Variants in RNF138 observed in about 807,000 individuals in gnomAD.
RNF138 encodes the protein ring finger protein 138.
Under a neutral mutation model 31.0 loss-of-function variants are expected in RNF138, and 12 were observed. That is an observed-to-expected ratio of 0.39 (90% CI 0.25 to 0.63). The LOEUF is 0.63. RNF138 is among the 20% of genes least tolerant of loss of function. RNF138 has a pLI of 0.52. For synonymous variants in RNF138, 105 were observed against 99.5 expected, an observed-to-expected ratio of 1.06 and a Z score of -0.33; for missense variants, 192 against 300.1, an observed-to-expected ratio of 0.64 and a Z score of 2.66.
chr18:32,121,924 A>G (rs962304133), intron 4 of RNF138, among the ~76,000 whole-genome samples: 1 of 152,154 alleles, frequency 6.6e-6, no homozygotes, highest in Non-Finnish European at 1.5e-5. Context: ...GCTGGAGTGC[A>G]GTGGCATGAT....
intron 4 of RNF138, among the ~76,000 whole-genome samples, chr18:32,122,625 A>G (rs1055603960): frequency 6.6e-6 from 1 of 152,088 alleles, no homozygotes; most frequent in Admixed American, 6.5e-5. Flanking sequence ...GGAGTTCAAG[A>G]CCAGCCTGGC....
At chr18:32,128,371 C>G (rs2040416918) in intron 7 of RNF138, among the ~76,000 whole-genome samples, 1 of 152,184 alleles carries the variant, frequency 6.6e-6, no homozygotes, top group African/African-American at 2.4e-5. Context: ...AACCCTGTCT[C>G]TACTAAAGAT....
chr18:32,105,314 C>A (rs187229716), intron 2 of RNF138, among the ~76,000 whole-genome samples: 321 of 152,272 alleles, frequency 2.1e-3, no homozygotes, highest in African/African-American at 7.6e-3. Flanking sequence ...TGGTCTTGAA[C>A]TCCTGACCTC....
At chr18:32,113,906 G>T (rs1228076264) in intron 4 of RNF138, 46 bp downstream of exon 4, 1 of 999,190 alleles carries the variant, frequency 1.0e-6, no homozygotes, top group Non-Finnish European at 1.5e-6. Flanking sequence ...TAATTGAAAT[G>T]GAAATTGTTT....
intron 4 of RNF138, among the ~76,000 whole-genome samples, chr18:32,116,162 C>A (rs763299755): frequency 1.3e-5 from 2 of 152,124 alleles, no homozygotes; most frequent in African/African-American, 4.8e-5. Context: ...AGTTCTTCCT[C>A]ATCATCCTCA....
chr18:32,125,572 G>T (rs548417637), intron 6 of RNF138, among the ~76,000 whole-genome samples: 87 of 152,304 alleles, frequency 5.7e-4, no homozygotes, highest in Admixed American at 5.1e-3. Flanking sequence ...GAAGGAAAAT[G>T]TTATCAATAA....
At chr18:32,096,631 A>G (rs1021251204) in intron 2 of RNF138, among the ~76,000 whole-genome samples, 1 of 152,200 alleles carries the variant, frequency 6.6e-6, no homozygotes, top group Non-Finnish European at 1.5e-5. Flanking sequence ...ACCAGGAATA[A>G]AGTGAGAGTG....
intron 6 of RNF138, among the ~76,000 whole-genome samples, chr18:32,125,579 A>G (rs2040370850): frequency 6.6e-6 from 1 of 152,220 alleles, no homozygotes; most frequent in African/African-American, 2.4e-5. Context: ...AATGTTATCA[A>G]TAAGAACTGT....
chr18:32,113,949 G>T (rs982477499), intron 4 of RNF138, 89 bp downstream of exon 4: 1 of 526,928 alleles, frequency 1.9e-6, no homozygotes, highest in African/African-American at 2.0e-5. Flanking sequence ...TTGGGGGGAT[G>T]TGTGTGTGTG....
At chr18:32,120,202 T>C (rs2040281264) in intron 4 of RNF138, among the ~76,000 whole-genome samples, 1 of 152,144 alleles carries the variant, frequency 6.6e-6, no homozygotes, top group Admixed American at 6.5e-5. Context: ...GATCTTTTAG[T>C]TTTACAGTTT....
chr18:32,100,382 C>T (rs1004760780), intron 2 of RNF138, among the ~76,000 whole-genome samples: 7 of 151,422 alleles, frequency 4.6e-5, no homozygotes, highest in Admixed American at 2.6e-4. Flanking sequence ...TCACTGCAGC[C>T]TTGACCTCTC....
Position 32,113,835 on chromosome 18 carries a change from A to C in RNF138, c.367A>C (p.Ile123Leu). Residue 123 changes from isoleucine (I) to leucine (L), a missense_variant, in exon 4 of 8, where the codon ATC becomes CTC. Around this residue, in one of 2 missense-constraint regions of RNF138, gnomAD observed 140 missense variants for 251.7 expected, o/e 0.56. Coordinates refer to ENST00000261593, the MANE Select transcript of RNF138 (RefSeq NM_016271.5). ...TTCTTCTATCATTCCAAACTTTCAG[A>C]TCTCTCAAGATTCAGTAGGGAACAG... ...GVSSIIPNFQ[I>L]SQDSVGNSNR... The C allele has an allele frequency of 2.6e-6, 4 of 1,530,332 alleles. No homozygotes were observed. The highest frequency in any genetic ancestry group is 3.5e-6 in the Non-Finnish European group (4 of 1,127,380). 94.8% of individuals were successfully genotyped at this position (1,530,332 alleles called of 1,614,324 possible). A position where few individuals can be genotyped will look rare whatever the true frequency, so the allele number is the denominator to read the frequency against.
chr18:32,111,967 CTG>C lies in RNF138; in HGVS notation c.276+49_276+50del, dbSNP rs765816349. 80 of 1,381,138 alleles carry C rather than the reference CTG, an allele frequency of 5.8e-5. No homozygotes were observed. In the Admixed American group the frequency reaches 7.8e-4, roughly 13 times the overall value. The allele number at this position is 1,381,138 out of a possible 1,614,324, so 85.6% of individuals were successfully genotyped here. A position where few individuals can be genotyped will look rare whatever the true frequency, so the allele number is the denominator to read the frequency against. ...CTTCTTTGGAAGCCAAGTTTCTACT[CTG>C]AAATTCTTATTTGAATTTTCTTGGT... On this transcript the variant is annotated intron_variant, in intron 3 of 7. Coordinates refer to ENST00000261593, the MANE Select transcript of RNF138 (RefSeq NM_016271.5).
chr18:32,120,553 AAAT>A (rs1249640892), intron 4 of RNF138, among the ~76,000 whole-genome samples: 2 of 152,320 alleles, frequency 1.3e-5, no homozygotes, highest in East Asian at 1.9e-4. Context: ...GTTTTTAAAA[AAAT>A]AATAATTTGC....
intron 2 of RNF138, among the ~76,000 whole-genome samples, chr18:32,094,523 T>G (rs1333760247): frequency 2.0e-5 from 3 of 152,094 alleles, no homozygotes; most frequent in Non-Finnish European, 4.4e-5. Flanking sequence ...CGGTTCATAG[T>G]GTGATGATTG....
At chr18:32,120,527 T>G (rs1201886661) in intron 4 of RNF138, among the ~76,000 whole-genome samples, 1 of 152,206 alleles carries the variant, frequency 6.6e-6, no homozygotes, top group Non-Finnish European at 1.5e-5. Flanking sequence ...TGTTTCTGTA[T>G]CTGATAAAAT....
chr18:32,110,822 C>T (rs1274594249), intron 2 of RNF138, among the ~76,000 whole-genome samples: 1 of 151,824 alleles, frequency 6.6e-6, no homozygotes. Context: ...GCTCTGTCGC[C>T]CAGGCTGGAG....
At chr18:32,093,386 C>T (rs2039744334) in intron 2 of RNF138, among the ~76,000 whole-genome samples, 1 of 152,226 alleles carries the variant, frequency 6.6e-6, no homozygotes, top group Non-Finnish European at 1.5e-5. Context: ...CTTTCAGAAC[C>T]TTGGTCCGTC....
At chr18:32,108,823 C>T (rs905214824) in intron 2 of RNF138, among the ~76,000 whole-genome samples, 15 of 152,076 alleles carry the variant, frequency 9.9e-5, no homozygotes, top group Non-Finnish European at 1.8e-4. Context: ...CATGCACCAC[C>T]GTGCCCAGCT....
Sources: allele counts gnomAD v4.1 joint callset (sites outside exome capture counted in the v4.1 genomes callset), GRCh38; gene constraint gnomAD v4.1.1; regional missense constraint gnomAD v4.1.1; transcripts MANE v1.5; gene names NCBI Gene and HGNC (gene_info 2026-07-23, HGNC 2026-07-21).